PDZD9: variants seen among roughly 807,000 people sequenced by gnomAD.
PDZD9 encodes PDZ domain containing 9.
Under a neutral mutation model 16.3 loss-of-function variants are expected in PDZD9, and 13 were observed. That is an observed-to-expected ratio of 0.80 (90% CI 0.52 to 1.27). The LOEUF (loss-of-function observed/expected upper bound fraction) is 1.27. Among genes scored for constraint, PDZD9 ranks in the 50% most tolerant of loss-of-function variants. PDZD9 has a pLI of 0.00. For synonymous variants in PDZD9, 120 were observed against 111.0 expected (o/e 1.08, Z -0.51); for missense variants, 288 against 310.9 (o/e 0.93, Z 0.55).
intron 2 of PDZD9, among the ~76,000 whole-genome samples, chr16:21,992,697 C>T (rs1408685581): frequency 6.6e-6 from 1 of 152,170 alleles, no homozygotes; most frequent in Non-Finnish European, 1.5e-5. Flanking sequence ...CAGGGTTTCT[C>T]AGGCCTTCAG....
the PDZD9 span, among the ~76,000 whole-genome samples, chr16:21,972,840 G>A: frequency 3.9e-5 from 6 of 152,132 alleles, no homozygotes; most frequent in African/African-American, 9.7e-5. Flanking sequence ...AGTGGCTCAC[G>A]CCTGTAATCC....
the PDZD9 span, chr16:21,962,863 G>A: frequency 6.2e-7 from 1 of 1,614,008 alleles, no homozygotes; most frequent in Non-Finnish European, 8.5e-7. Context: ...ACAAAGCTGT[G>A]GCCTTTCAGA....
intron 1 of PDZD9, 138 bp downstream of exon 1, chr16:22,000,876 AATG>A (rs1421051315): frequency 1.0e-4 from 56 of 545,052 alleles, no homozygotes; most frequent in South Asian, 3.5e-4. Flanking sequence ...TGATGATGAT[AATG>A]ATGATGATGA....
At chr16:21,970,981 CAAGCTGTTA>C in the PDZD9 span, among the ~76,000 whole-genome samples, 1 of 151,856 alleles carries the variant, frequency 6.6e-6, no homozygotes, top group African/African-American at 2.4e-5. Flanking sequence ...TTTGGTTACT[CAAGCTGTTA>C]GCAGATATAT....
the PDZD9 span, chr16:21,958,460 G>A: frequency 1.5e-6 from 2 of 1,303,166 alleles, no homozygotes; most frequent in South Asian, 1.3e-5. Context: ...GCTCACAACA[G>A]ATTTTGATAT....
chr16:21,972,552 A>G, the PDZD9 span, among the ~76,000 whole-genome samples: 1 of 152,126 alleles, frequency 6.6e-6, no homozygotes, highest in African/African-American at 2.4e-5. Context: ...TTACAGACTC[A>G]CTCATTCAGC....
At chr16:22,000,031 ACT>A (rs1899252155) in intron 1 of PDZD9, among the ~76,000 whole-genome samples, 2 of 150,026 alleles carry the variant, frequency 1.3e-5, no homozygotes, top group African/African-American at 4.9e-5. Flanking sequence ...ACAGAGCAAG[ACT>A]CTGTCTCAAA....
At chr16:21,993,789 T>C (rs1335990005) in intron 2 of PDZD9, among the ~76,000 whole-genome samples, 2 of 152,156 alleles carry the variant, frequency 1.3e-5, no homozygotes, top group Admixed American at 6.5e-5. Flanking sequence ...TGCAAAAGTC[T>C]AGAGAATCTG....
At chr16:21,996,780 G>T (rs1899162713) in intron 1 of PDZD9, among the ~76,000 whole-genome samples, 1 of 152,158 alleles carries the variant, frequency 6.6e-6, no homozygotes, top group South Asian at 2.1e-4. Flanking sequence ...TTGATACAGT[G>T]TGCTAGGCCC....
chr16:21,998,607 G>A (rs985943308), intron 1 of PDZD9, among the ~76,000 whole-genome samples: 1 of 151,750 alleles, frequency 6.6e-6, no homozygotes, highest in African/African-American at 2.4e-5. Context: ...CACGAGAATC[G>A]CTTGAACCCA....
chr16:21,972,795 T>C, the PDZD9 span, among the ~76,000 whole-genome samples: 1 of 151,254 alleles, frequency 6.6e-6, no homozygotes, highest in East Asian at 1.9e-4. Context: ...GGCCTCAGAA[T>C]TATAATTAAA....
downstream of PDZD9, chr16:21,983,052 T>G: frequency 6.3e-7 from 1 of 1,594,634 alleles, no homozygotes; most frequent in Non-Finnish European, 8.6e-7. Context: ...ATATTTTTAT[T>G]TTTGTTAATT....
chr16:21,994,340 G>C (rs1899093856), intron 2 of PDZD9, among the ~76,000 whole-genome samples: 1 of 152,248 alleles, frequency 6.6e-6, no homozygotes, highest in Non-Finnish European at 1.5e-5. Flanking sequence ...CAGACCCTGA[G>C]CCTGAATCAG....
At chr16:21,973,906 T>G in the PDZD9 span, 1 of 1,613,040 alleles carries the variant, frequency 6.2e-7, no homozygotes, top group South Asian at 1.1e-5. Flanking sequence ...GTTTCTGCAT[T>G]TAATGCCAGT....
the PDZD9 span, among the ~76,000 whole-genome samples, chr16:21,967,674 C>G: frequency 6.6e-6 from 1 of 152,188 alleles, no homozygotes; most frequent in Middle Eastern, 3.4e-3. Flanking sequence ...TATTTTATAT[C>G]AGTCTGTAGG....
At chr16:21,986,351 ATCTT>A (rs1898877133) in intron 3 of PDZD9, among the ~76,000 whole-genome samples, 1 of 152,094 alleles carries the variant, frequency 6.6e-6, no homozygotes. Context: ...GTACTGTTCT[ATCTT>A]TTCTTTGCTT....
downstream of PDZD9, among the ~76,000 whole-genome samples, chr16:21,980,937 C>T (rs1020803118): frequency 1.8e-4 from 27 of 152,086 alleles, no homozygotes; most frequent in African/African-American, 6.3e-4. Context: ...ACTGTGATGT[C>T]AGTAAGAGGG....
chr16:21,996,286 A>G (rs978884558), intron 2 of PDZD9, 36 bp downstream of exon 2: 62 of 1,517,266 alleles, frequency 4.1e-5, no homozygotes, highest in Non-Finnish European at 3.6e-5. Context: ...GATGGGCAGG[A>G]TGGGTGGTTG....
chr16:21,993,151 A>T (rs1208119868), intron 2 of PDZD9, among the ~76,000 whole-genome samples: 5 of 152,222 alleles, frequency 3.3e-5, no homozygotes, highest in African/African-American at 7.2e-5. Flanking sequence ...TCTTTACAGC[A>T]GTGTAAGAAT....
Sources: gnomAD v4.1 joint callset for allele counts (sites outside exome capture counted in the v4.1 genomes callset) on GRCh38, gnomAD v4.1.1 for gene constraint, MANE v1.5 for transcripts, NCBI Gene and HGNC (gene_info 2026-07-23, HGNC 2026-07-21) for gene names.